The following CCNY variants were observed in gnomAD, a reference collection of about 807,000 sequenced individuals.
The protein encoded by CCNY is cyclin Y.
CCNY carries 19 observed loss-of-function variants against 42.8 expected under a neutral mutation model. The ratio of observed to expected loss-of-function variants is 0.44; its 90% CI spans 0.31 to 0.65. The LOEUF (loss-of-function observed/expected upper bound fraction) is 0.65, where lower values mean the gene tolerates loss of function less well. CCNY is among the 30% of genes least tolerant of loss of function. The pLI is 0.07. For missense variants in CCNY, 370 were observed against 437.3 expected, an observed-to-expected ratio of 0.85 and a Z score of 1.37; for synonymous variants, 165 against 162.7, an observed-to-expected ratio of 1.01 and a Z score of -0.11.
intron 3 of CCNY, among the ~76,000 whole-genome samples, chr10:35,326,889 AAAACAAACAAAC>A (rs368209382): frequency 3.3e-5 from 5 of 151,882 alleles, no homozygotes; most frequent in Non-Finnish European, 5.9e-5. Flanking sequence ...ACTGTCTCTT[AAAACAAACAAAC>A]AAACAAACAA....
In CCNY at chr10:35,336,883, C is replaced by A; in HGVS notation, c.-171C>A. 1.5e-5 allele frequency: 3 copies of A among 197,082 alleles called. No homozygotes were observed. Among genetic ancestry groups the A allele is most frequent in the Non-Finnish European group, 2.6e-5 (3 of 115,256 alleles). The allele number at this position is 197,082 out of a possible 1,614,324, so 12.2% of individuals were successfully genotyped here. A position where few individuals can be genotyped will look rare whatever the true frequency, so the allele number is the denominator to read the frequency against. The stretch of plus-strand genomic sequence containing the variant: ...GCCGCCGCCCATGGCGAGGCCCCGC[C>A]GCCGCCGCCGCTGCTGACCCGGCGG... On this transcript the variant is annotated 5_prime_UTR_variant, in exon 1 of 10. Coordinates refer to ENST00000374704, the MANE Select transcript of CCNY (RefSeq NM_145012.6).
At chr10:35,381,543 G>C (rs141327052) in intron 1 of CCNY, among the ~76,000 whole-genome samples, 4,138 of 150,572 alleles carry the variant, frequency 0.027, 162 homozygotes, top group African/African-American at 0.087. Flanking sequence ...TCCAGCCTGG[G>C]TGACAGAGTG....
At chr10:35,478,003 CAG>C (rs1228982829) in intron 1 of CCNY, among the ~76,000 whole-genome samples, 2 of 145,232 alleles carry the variant, frequency 1.4e-5, no homozygotes, top group Admixed American at 6.9e-5. Context: ...AACAGACAAA[CAG>C]AGAGCCAAAT....
At chr10:35,327,079 T>A (rs1301804252) in intron 3 of CCNY, among the ~76,000 whole-genome samples, 1 of 152,160 alleles carries the variant, frequency 6.6e-6, no homozygotes, top group Non-Finnish European at 1.5e-5. Flanking sequence ...GGAAAAGCAT[T>A]TGAAGTAAAA....
At chr10:35,258,928 T>G (rs2095717430) in intron 3 of CCNY, among the ~76,000 whole-genome samples, 1 of 132,658 alleles carries the variant, frequency 7.5e-6, no homozygotes, top group Non-Finnish European at 1.6e-5. Flanking sequence ...AGAGAGAGAC[T>G]GTCTTAAAAA....
At chr10:35,330,631 G>A (rs1398372800) in intron 3 of CCNY, among the ~76,000 whole-genome samples, 1 of 152,206 alleles carries the variant, frequency 6.6e-6, no homozygotes, top group Non-Finnish European at 1.5e-5. Context: ...TGTAAAAGAA[G>A]CTTACACAGG....
intron 1 of CCNY, among the ~76,000 whole-genome samples, chr10:35,473,452 G>A (rs891151728): frequency 2.6e-5 from 4 of 152,078 alleles, no homozygotes; most frequent in Non-Finnish European, 5.9e-5. Context: ...AGCTTGGTGG[G>A]AGCAGGTGGG....
intron 1 of CCNY, among the ~76,000 whole-genome samples, chr10:35,351,143 C>T (rs974881659): frequency 6.6e-6 from 1 of 152,140 alleles, no homozygotes; most frequent in Admixed American, 6.5e-5. Flanking sequence ...TTACAGAGCT[C>T]AAAGGGGACT....
At chr10:35,341,230 C>G (rs1836174200) in intron 1 of CCNY, among the ~76,000 whole-genome samples, 1 of 152,186 alleles carries the variant, frequency 6.6e-6, no homozygotes, top group Admixed American at 6.5e-5. Context: ...CTGGAACATA[C>G]CAGACACAAA....
At chr10:35,426,105 GCACGCGCACACA>G (rs1401211305) in intron 1 of CCNY, among the ~76,000 whole-genome samples, 1,368 of 58,028 alleles carry the variant, frequency 0.024, 25 homozygotes, top group African/African-American at 0.061. Context: ...CACTGGTCCA[GCACGCGCACACA>G]CACACACACA....
chr10:35,530,203 G>A lies in CCNY; in HGVS notation c.539G>A (p.Ser180Asn), dbSNP rs766946127. Reference sequence around the variant, plus strand: ...TACCGGTTCGTTCGGACACTGTTCAGTGCTGCTCAGCTGACGGCTGAATGT... The same window carrying A: ...TACCGGTTCGTTCGGACACTGTTCAATGCTGCTCAGCTGACGGCTGAATGT... ...QIYRFVRTLF[S>N]AAQLTAECAI... The change falls in exon 7 of 10, where the codon AGT (serine) becomes AAT (asparagine). Residue 180 changes from serine to asparagine, a missense_variant. Ser to Asn is a conservative substitution (Grantham distance 46). Transcript: ENST00000374704. This position sits in a 1 kb window ranked among gnomAD's most constrained non-coding sequence, Gnocchi z 4.3. The A allele has an allele frequency of 8.1e-6, 13 of 1,614,238 alleles. No individual in the cohort carries two copies. The highest frequency in any genetic ancestry group is 1.1e-5 in the Non-Finnish European group (13 of 1,180,036).
At chr10:35,375,560 A>G (rs1181436075) in intron 1 of CCNY, among the ~76,000 whole-genome samples, 1 of 152,212 alleles carries the variant, frequency 6.6e-6, no homozygotes, top group Non-Finnish European at 1.5e-5. Context: ...TGTTCTAAGT[A>G]TTGAGTCATC....
chr10:35,452,565 C>T (rs1424535213), intron 1 of CCNY, among the ~76,000 whole-genome samples: 2 of 152,080 alleles, frequency 1.3e-5, no homozygotes, highest in African/African-American at 4.8e-5. Flanking sequence ...TCATGGTGTT[C>T]ATACTAGCCC....
intron 3 of CCNY, among the ~76,000 whole-genome samples, chr10:35,504,335 A>T (rs10827509): frequency 0.35 from 53,294 of 151,996 alleles, 9,550 homozygotes; most frequent in African/African-American, 0.41. Flanking sequence ...AGAGTGGACT[A>T]TGACCCAGGA....
intron 3 of CCNY, among the ~76,000 whole-genome samples, chr10:35,277,054 G>A (rs953241026): frequency 1.3e-5 from 2 of 152,294 alleles, no homozygotes; most frequent in Admixed American, 6.5e-5. Flanking sequence ...GCATATTCTA[G>A]CTCCTGACAG....
chr10:35,537,176 C>T (rs1840903215), intron 7 of CCNY, among the ~76,000 whole-genome samples: 1 of 152,222 alleles, frequency 6.6e-6, no homozygotes, highest in African/African-American at 2.4e-5. Flanking sequence ...AGCCTTGGCA[C>T]CTTCTGTGTG....
intron 7 of CCNY, among the ~76,000 whole-genome samples, chr10:35,549,735 T>A (rs1347108695): frequency 6.9e-6 from 1 of 144,692 alleles, no homozygotes; most frequent in Non-Finnish European, 1.5e-5. Context: ...GCGCTGCTCA[T>A]GGCCCATGAC....
chr10:35,338,403 G>A (rs1836100271), intron 1 of CCNY, among the ~76,000 whole-genome samples: 1 of 152,176 alleles, frequency 6.6e-6, no homozygotes, highest in South Asian at 2.1e-4. Flanking sequence ...TCTAGTACGC[G>A]CTTAGTAAAT....
intron 1 of CCNY, among the ~76,000 whole-genome samples, chr10:35,452,525 CG>C (rs1362292811): frequency 6.6e-6 from 1 of 152,100 alleles, no homozygotes; most frequent in African/African-American, 2.4e-5. Context: ...AACCTTTACT[CG>C]TGTAATTTTT....
Sources: gnomAD v4.1 joint callset for allele counts (sites outside exome capture counted in the v4.1 genomes callset) on GRCh38, gnomAD v4.1.1 for gene constraint, Gnocchi (gnomAD v3.1) non-coding constraint, MANE v1.5 for transcripts, NCBI Gene and HGNC (gene_info 2026-07-23, HGNC 2026-07-21) for gene names.